PTPRN: variants seen among roughly 807,000 people sequenced by gnomAD.
PTPRN encodes the protein receptor-type tyrosine-protein phosphatase-like N.
PTPRN carries 70 observed loss-of-function variants against 108.5 expected under a neutral mutation model. The observed-to-expected ratio is 0.65, with a 90% CI of 0.53 to 0.79. The LOEUF (loss-of-function observed/expected upper bound fraction) is 0.79, where lower values mean the gene tolerates loss of function less well. Among genes scored for constraint, PTPRN ranks in the 30% least tolerant of loss-of-function variants. The probability of loss-of-function intolerance (pLI) is 0.00; values close to 1 mark genes in which losing one functional copy is unlikely to be tolerated. For synonymous variants in PTPRN, 496 were observed against 524.6 expected (o/e 0.95, Z 0.75); for missense variants, 1,136 against 1,295.5 (o/e 0.88, Z 1.89).
chr2:219,302,871 G>A (rs368221291), intron 4 of PTPRN, 34 bp from the exon 5 acceptor site: 246 of 1,596,352 alleles, frequency 1.5e-4, no homozygotes, highest in Non-Finnish European at 1.9e-4. Context: ...GTGTTGGAGC[G>A]GGGGAAAGGG....
At position 219,295,225 on chromosome 2, in the gene PTPRN, C is replaced by T. The variant is rs1952161109; in HGVS notation, c.2509-84G>A. The T allele has an allele frequency of 2.7e-6, 4 of 1,497,176 alleles. No individual in the cohort carries two copies. In the South Asian group the frequency reaches 3.5e-5, roughly 13 times the overall value. 92.7% of individuals were successfully genotyped at this position (1,497,176 alleles called of 1,614,324 possible). A position where few individuals can be genotyped will look rare whatever the true frequency, so the allele number is the denominator to read the frequency against. On this transcript the variant is annotated intron_variant, in intron 18 of 22. Coordinates refer to ENST00000295718, the MANE Select transcript of PTPRN (RefSeq NM_002846.4). ...GCGCTCTCCTCGCGACCTTCTCGGT[C>T]TCTCCAACCACCGCCCGGCCTCCCA...
In PTPRN at chr2:219,302,804, A is replaced by G; in HGVS notation, c.411T>C (p.Ala137=). The change falls in exon 5 of 23, where the codon GCT becomes GCC. Residue 137 remains alanine, a synonymous_variant. Transcript: ENST00000295718. ...SGLAPKRPGP[A]GELLLQDIPT... ...GGATGTCCTGTAAAAGCAGCTCTCC[A>G]GCAGGACCAGGTCTCTTGGGTGCCA... 1.2e-6 allele frequency: 2 copies of G among 1,613,516 alleles called. No individual in the cohort carries two copies. Among genetic ancestry groups the G allele is most frequent in the South Asian group, 1.1e-5 (1 of 91,058 alleles).
chr2:219,289,870 T>G lies in PTPRN; in HGVS notation c.*356A>C. The G allele has an allele frequency of 4.2e-6, 1 of 239,030 alleles. No homozygotes were observed. 14.8% of individuals were successfully genotyped at this position (239,030 alleles called of 1,614,324 possible). On this transcript the variant is annotated 3_prime_UTR_variant, in exon 23 of 23. Coordinates refer to ENST00000295718, the MANE Select transcript of PTPRN (RefSeq NM_002846.4). The stretch of plus-strand genomic sequence containing the variant: ...CACCCCATTCTTCCATACTGGAGCA[T>G]AGGGGGACACACACAGATGTTCAGG...
intron 12 of PTPRN, 145 bp downstream of exon 12, chr2:219,298,902 G>T: frequency 1.2e-6 from 1 of 864,738 alleles, no homozygotes; most frequent in Non-Finnish European, 2.0e-6. Context: ...ACTGCGGGGA[G>T]GGGCTGCTTG....
chr2:219,293,392 C>A (rs112223647), intron 19 of PTPRN, among the ~76,000 whole-genome samples: 1 of 152,216 alleles, frequency 6.6e-6, no homozygotes, highest in African/African-American at 2.4e-5. Flanking sequence ...GTTGGCCAGT[C>A]TGGTCTTGAA....
At chr2:219,292,087 C>A in intron 19 of PTPRN, 1 of 161,106 alleles carries the variant, frequency 6.2e-6, no homozygotes. Context: ...ACTCAGGCTC[C>A]AGTGGTCCTT....
chr2:219,306,999 C>T (rs1952499446), intron 3 of PTPRN: 1 of 154,578 alleles, frequency 6.5e-6, no homozygotes, highest in Middle Eastern at 3.3e-3. Flanking sequence ...TCCCCTTATC[C>T]CCCAAACAGA....
chr2:219,297,371 C>T lies in PTPRN; in HGVS notation c.1950G>A (p.Glu650=). Residue 650 remains glutamate (E), a synonymous_variant, in exon 14 of 23, where the codon GAG becomes GAA. Coordinates refer to ENST00000295718, the MANE Select transcript of PTPRN (RefSeq NM_002846.4). The surrounding 1 kb of genome is among the most constrained non-coding windows in gnomAD (Gnocchi z 6.0). The stretch of plus-strand genomic sequence containing the variant: ...AGGACACACTGCTCACCCGTGAAGG[C>T]TCCGGTGGACCCTCTGCCCGGTTGA... ...SLFNRAEGPP[E]PSRVSSVSSQ... is the part of the protein sequence containing the mutation. The T allele has an allele frequency of 6.2e-7, 1 of 1,614,098 alleles. No individual in the cohort carries two copies. Among genetic ancestry groups the T allele is most frequent in the Middle Eastern group, 1.6e-4 (1 of 6,062 alleles).
chr2:219,300,420 G>C, intron 8 of PTPRN, 161 bp from the exon 9 acceptor site: 1 of 652,984 alleles, frequency 1.5e-6, no homozygotes, highest in Non-Finnish European at 2.5e-6. Flanking sequence ...GAGCATCTGA[G>C]ACAAGTAAGT....
chr2:219,290,488 G>A lies in PTPRN; in HGVS notation c.2868+50C>T. On this transcript the variant is annotated intron_variant, in intron 22 of 22. Transcript: ENST00000295718. The surrounding 1 kb of genome is among the most constrained non-coding windows in gnomAD (Gnocchi z 4.2). Reference sequence around the variant, plus strand: ...CTTTCCCTGGGGTGGCCAAGAAGTGGGTGCTAGGGAAGGGTGGGAGCTGGG... The same window carrying A: ...CTTTCCCTGGGGTGGCCAAGAAGTGAGTGCTAGGGAAGGGTGGGAGCTGGG... 3 of 1,514,192 alleles carry A rather than the reference G, an allele frequency of 2.0e-6. No homozygotes were observed. Among genetic ancestry groups the A allele is most frequent in the Non-Finnish European group, 2.7e-6 (3 of 1,114,380 alleles). 93.8% of individuals were successfully genotyped at this position (1,514,192 alleles called of 1,614,324 possible). A position where few individuals can be genotyped will look rare whatever the true frequency, so the allele number is the denominator to read the frequency against.
rs1952212038 is a variant in PTPRN, at chr2:219,296,902, G to A, written c.2237-80C>T. The A allele has an allele frequency of 6.2e-7, 1 of 1,612,664 alleles. No homozygotes were observed. The highest frequency in any genetic ancestry group is 1.1e-5 in the South Asian group (1 of 90,978). ...GACCTCTGCCACTCAGCCTGAGCCAGAAGCCCAACCCCTTACCCCAAGCCC... is the reference window on the plus strand; with the variant it reads ...GACCTCTGCCACTCAGCCTGAGCCAAAAGCCCAACCCCTTACCCCAAGCCC... On this transcript the variant is annotated intron_variant, in intron 15 of 22. Coordinates refer to ENST00000295718, the MANE Select transcript of PTPRN (RefSeq NM_002846.4). The surrounding 1 kb of genome is among the most constrained non-coding windows in gnomAD (Gnocchi z 6.0).
intron 10 of PTPRN, 152 bp downstream of exon 10, chr2:219,299,548 C>T (rs374440890): frequency 3.3e-5 from 38 of 1,137,870 alleles, no homozygotes; most frequent in East Asian, 3.1e-4. Context: ...GGGCCAGCAA[C>T]GGGCTGGGTG....
At position 219,290,574 on chromosome 2, in the gene PTPRN, A is replaced by C. The variant is rs1559291203; in HGVS notation, c.2832T>G (p.His944Gln). 6.4e-7 allele frequency: 1 copy of C among 1,551,810 alleles called. No homozygotes were observed. Among genetic ancestry groups the C allele is most frequent in the Non-Finnish European group, 8.7e-7 (1 of 1,147,026 alleles). ...CAAGGCCAGGCCGCTGGTCACGGAC[A>C]TGCTCCAGGGTGGCAGCGATGTCAA... ...KEIDIAATLEHVRDQRPGLVR... is the reference protein window; with the variant it reads ...KEIDIAATLEQVRDQRPGLVR... Residue 944 changes from histidine (H) to glutamine (Q), a missense_variant, in exon 22 of 23, where the codon CAT (histidine) becomes CAG (glutamine). Coordinates refer to ENST00000295718, the MANE Select transcript of PTPRN (RefSeq NM_002846.4). This position sits in a 1 kb window ranked among gnomAD's most constrained non-coding sequence, Gnocchi z 4.2.
At position 219,297,064 on chromosome 2, in the gene PTPRN, G is replaced by T. The variant is rs751521134; in HGVS notation, c.2157C>A (p.Tyr719Ter). 1 of 1,614,100 alleles carries T rather than the reference G, an allele frequency of 6.2e-7. No homozygotes were observed. Among genetic ancestry groups the T allele is most frequent in the Admixed American group, 1.7e-5 (1 of 60,024 alleles). The change falls in exon 15 of 23, where the codon TAC (tyrosine) becomes TAA (stop). Residue 719 changes from tyrosine to a stop codon, truncating the protein, a stop_gained. Transcript: ENST00000295718. LOFTEE classifies it high-confidence loss of function. The surrounding 1 kb of genome is among the most constrained non-coding windows in gnomAD (Gnocchi z 6.0). ...LAKEWQALCA[Y>*]QAEPNTCATA... ...TGGCACAGGTGTTTGGCTCTGCTTG[G>T]TAGGCACAGAGGGCCTGCCACTCCT...
intron 19 of PTPRN, chr2:219,292,057 C>T (rs1216428694): frequency 1.2e-5 from 2 of 161,074 alleles, no homozygotes; most frequent in Admixed American, 5.7e-5. Flanking sequence ...TTTATGACCA[C>T]CCAGGCTGTT....
In PTPRN at chr2:219,302,550, G is replaced by A. The variant is rs770595568; in HGVS notation, c.639+26C>T. On this transcript the variant is annotated intron_variant, in intron 5 of 22. Coordinates refer to ENST00000295718, the MANE Select transcript of PTPRN (RefSeq NM_002846.4). ...AGTCCGGGCTGAGGGACTGCGGTTG[G>A]GGTGGGACCAGAGTCAAGGACTTAC... 5.0e-6 allele frequency: 8 copies of A among 1,612,708 alleles called. No homozygotes were observed. In the African/African-American group the frequency reaches 5.4e-5, roughly 11 times the overall value.
Position 219,297,206 on chromosome 2 carries a change from C to T in PTPRN, c.2088+27G>A, listed in dbSNP as rs1481566475. The T allele has an allele frequency of 6.2e-7, 1 of 1,610,942 alleles. No homozygotes were observed. The highest frequency in any genetic ancestry group is 1.7e-5 in the Admixed American group (1 of 59,900). Reference sequence around the variant, plus strand: ...TCTCTCACCATCCCATTCCTTCACCCACTCTGGGCCCAGGCCCTGTCCTGA... The same window carrying T: ...TCTCTCACCATCCCATTCCTTCACCTACTCTGGGCCCAGGCCCTGTCCTGA... On this transcript the variant is annotated intron_variant, in intron 14 of 22. Transcript: ENST00000295718. This position sits in a 1 kb window ranked among gnomAD's most constrained non-coding sequence, Gnocchi z 6.0.
Position 219,290,945 on chromosome 2 carries a change from G to T in PTPRN, c.2730-55C>A. On this transcript the variant is annotated intron_variant, in intron 20 of 22. Coordinates refer to ENST00000295718, the MANE Select transcript of PTPRN (RefSeq NM_002846.4). The surrounding 1 kb of genome is among the most constrained non-coding windows in gnomAD (Gnocchi z 4.2). ...TTGAGATGCAGCAGAAAGGGGGAGG[G>T]ACGGAGGAGGCGAGGAGGCCTGGAG... 1 of 1,564,068 alleles carries T rather than the reference G, an allele frequency of 6.4e-7. No homozygotes were observed. The highest frequency in any genetic ancestry group is 8.8e-7 in the Non-Finnish European group (1 of 1,134,560).
chr2:219,302,946 G>T, intron 4 of PTPRN, 109 bp from the exon 5 acceptor site: 1 of 1,240,880 alleles, frequency 8.1e-7, no homozygotes, highest in Non-Finnish European at 1.1e-6. Context: ...GAGCAGGCCT[G>T]ACCTCTTTAG....
Sources: gnomAD v4.1 joint callset for allele counts (sites outside exome capture counted in the v4.1 genomes callset) on GRCh38, gnomAD v4.1.1 for gene constraint, Gnocchi (gnomAD v3.1) non-coding constraint, MANE v1.5 for transcripts, NCBI Gene and HGNC (gene_info 2026-07-23, HGNC 2026-07-21) for gene names.